The following CREB5 variants were observed in gnomAD, a reference collection of about 807,000 sequenced individuals.
CREB5 encodes the protein cAMP responsive element binding protein 5, also known as cyclic AMP-responsive element-binding protein 5.
Under a neutral mutation model 57.1 loss-of-function variants are expected in CREB5, and 19 were observed. The observed-to-expected ratio is 0.33, with a 90% confidence interval of 0.23 to 0.49. The LOEUF (loss-of-function observed/expected upper bound fraction) is 0.49. Ranked by LOEUF, CREB5 falls within the 20% of genes least tolerant of loss-of-function variation. The pLI is 0.99. For synonymous variants in CREB5, 238 were observed against 238.3 expected, an observed-to-expected ratio of 1.00 and a Z score of 0.01; for missense variants, 579 against 671.6, an observed-to-expected ratio of 0.86 and a Z score of 1.52.
At chr7:28,419,612 G>A (rs1562704134) in intron 1 of CREB5, among the ~76,000 whole-genome samples, 2 of 152,270 alleles carry the variant, frequency 1.3e-5, no homozygotes, top group South Asian at 4.1e-4. Flanking sequence ...AAATAAATAT[G>A]TATATAAATA....
At chr7:28,761,284 G>T (rs1805631212) in intron 7 of CREB5, among the ~76,000 whole-genome samples, 1 of 152,198 alleles carries the variant, frequency 6.6e-6, no homozygotes, top group South Asian at 2.1e-4. Context: ...CACAGCTGCT[G>T]CTCACCAGCG....
chr7:28,714,195 G>A (rs1802554089), intron 5 of CREB5, among the ~76,000 whole-genome samples: 1 of 152,032 alleles, frequency 6.6e-6, no homozygotes, highest in Non-Finnish European at 1.5e-5. Context: ...GAACTCCTGG[G>A]CTTAAATGAT....
At chr7:28,586,120 C>T (rs1339663381) in intron 5 of CREB5, among the ~76,000 whole-genome samples, 1 of 152,146 alleles carries the variant, frequency 6.6e-6, no homozygotes, top group African/African-American at 2.4e-5. Flanking sequence ...AAAATGGAAG[C>T]AATTCTCCCA....
At chr7:28,543,396 A>T (rs567790538) in intron 4 of CREB5, among the ~76,000 whole-genome samples, 2 of 152,266 alleles carry the variant, frequency 1.3e-5, no homozygotes, top group South Asian at 2.1e-4. Flanking sequence ...CTGCCTAGCC[A>T]TTTGTCTATC....
At chr7:28,376,777 T>C (rs942361052) in intron 1 of CREB5, among the ~76,000 whole-genome samples, 2 of 152,174 alleles carry the variant, frequency 1.3e-5, no homozygotes, top group Non-Finnish European at 2.9e-5. Flanking sequence ...ATATGAGCTG[T>C]CTTCTTGGAT....
At chr7:28,736,037 G>T (rs573506366) in intron 7 of CREB5, among the ~76,000 whole-genome samples, 1 of 152,030 alleles carries the variant, frequency 6.6e-6, no homozygotes, top group Non-Finnish European at 1.5e-5. Context: ...GGCCTCAAGC[G>T]ATCCTCACAT....
intron 3 of CREB5, among the ~76,000 whole-genome samples, chr7:28,505,607 T>G (rs2128605690): frequency 6.6e-6 from 1 of 152,330 alleles, no homozygotes; most frequent in East Asian, 1.9e-4. Context: ...ACAGAGCCCT[T>G]TGGATCAGGG....
intron 7 of CREB5, among the ~76,000 whole-genome samples, chr7:28,764,245 AT>A (rs945451616): frequency 4.3e-4 from 65 of 151,982 alleles, no homozygotes; most frequent in African/African-American, 1.4e-3. Flanking sequence ...TTCTCTTATT[AT>A]TTTTTTTAAA....
intron 1 of CREB5, among the ~76,000 whole-genome samples, chr7:28,346,943 A>G (rs1786069862): frequency 6.6e-6 from 1 of 152,198 alleles, no homozygotes; most frequent in Middle Eastern, 3.2e-3. Flanking sequence ...ATTAAGTACC[A>G]CTGGGTTGGC....
At chr7:28,708,456 G>A (rs1229729411) in intron 5 of CREB5, among the ~76,000 whole-genome samples, 1 of 152,170 alleles carries the variant, frequency 6.6e-6, no homozygotes, top group East Asian at 1.9e-4. Flanking sequence ...TCTCCCAGGA[G>A]AGATATTTGA....
chr7:28,768,821 T>G (rs1806149426), intron 7 of CREB5, among the ~76,000 whole-genome samples: 1 of 152,212 alleles, frequency 6.6e-6, no homozygotes, highest in African/African-American at 2.4e-5. Flanking sequence ...TTAACAGTGT[T>G]GGCCATCTTC....
chr7:28,357,593 CCTT>C (rs1276388477), intron 1 of CREB5, among the ~76,000 whole-genome samples: 1 of 152,128 alleles, frequency 6.6e-6, no homozygotes, highest in Non-Finnish European at 1.5e-5. Context: ...TACTCTCAAT[CCTT>C]CTTTTCCTTT....
chr7:28,775,543 CATAT>C (rs56224961), intron 7 of CREB5, among the ~76,000 whole-genome samples: 4,445 of 120,528 alleles, frequency 0.037, 279 homozygotes, highest in South Asian at 0.2. Context: ...ATTCCTTAGC[CATAT>C]ATATATATAT....
chr7:28,572,423 A>G (rs1050477206), intron 5 of CREB5, among the ~76,000 whole-genome samples: 2 of 152,238 alleles, frequency 1.3e-5, no homozygotes, highest in Non-Finnish European at 2.9e-5. Flanking sequence ...TAGATTCATT[A>G]AAGACAGCAT....
At chr7:28,541,364 T>C (rs1794204563) in intron 4 of CREB5, among the ~76,000 whole-genome samples, 1 of 152,012 alleles carries the variant, frequency 6.6e-6, no homozygotes, top group South Asian at 2.1e-4. Context: ...CAGACCCCAC[T>C]CAGAGAAAAA....
At chr7:28,786,340 A>C (rs1807325661) in intron 7 of CREB5, among the ~76,000 whole-genome samples, 1 of 152,188 alleles carries the variant, frequency 6.6e-6, no homozygotes, top group Non-Finnish European at 1.5e-5. Flanking sequence ...TCCGCCCCCT[A>C]GGTTCAAGCA....
intron 5 of CREB5, among the ~76,000 whole-genome samples, chr7:28,694,076 T>C (rs1801412639): frequency 6.6e-6 from 1 of 152,176 alleles, no homozygotes; most frequent in African/African-American, 2.4e-5. Context: ...TTTTCACCGC[T>C]TTTTGTTAAG....
At chr7:28,329,116 G>T (rs201393941) in intron 1 of CREB5, among the ~76,000 whole-genome samples, 1 of 152,196 alleles carries the variant, frequency 6.6e-6, no homozygotes, top group East Asian at 1.9e-4. Flanking sequence ...GTAAAGCTGA[G>T]AATCAGTTTC....
At chr7:28,422,220 G>GA (rs1788299505) in intron 1 of CREB5, among the ~76,000 whole-genome samples, 2 of 152,118 alleles carry the variant, frequency 1.3e-5, no homozygotes, top group South Asian at 2.1e-4. Context: ...GTGCTTCGGG[G>GA]AAAAACAGAG....
Sources: allele counts gnomAD v4.1 joint callset (sites outside exome capture counted in the v4.1 genomes callset), GRCh38; gene constraint gnomAD v4.1.1; transcripts MANE v1.5; gene names NCBI Gene and HGNC (gene_info 2026-07-23, HGNC 2026-07-21).